Variants in AP3B1 observed in about 807,000 individuals in gnomAD.
The protein encoded by AP3B1 is adaptor related protein complex 3 subunit beta 1.
AP3B1 carries 61 observed loss-of-function variants against 132.5 expected under a neutral mutation model. That is an observed-to-expected ratio of 0.46 (90% CI 0.37 to 0.57). AP3B1 has a LOEUF of 0.57. AP3B1 is among the 20% of genes least tolerant of loss of function. The pLI is 0.00. For missense variants in AP3B1, 1,120 were observed against 1,289.4 expected (o/e 0.87, Z 2.01); for synonymous variants, 388 against 438.3 (o/e 0.89, Z 1.43).
chr5:78,085,765 G>A (rs1252918733), intron 22 of AP3B1, among the ~76,000 whole-genome samples: 2 of 152,052 alleles, frequency 1.3e-5, no homozygotes, highest in African/African-American at 4.8e-5. Flanking sequence ...CATGGTGAAC[G>A]TGACATTTCT....
chr5:78,236,478 T>C (rs1178462099), intron 3 of AP3B1, among the ~76,000 whole-genome samples: 1 of 152,218 alleles, frequency 6.6e-6, no homozygotes, highest in East Asian at 1.9e-4. Flanking sequence ...AAGATGGCGC[T>C]GAATGGGCTA....
chr5:78,186,196 G>C (rs543879472), intron 7 of AP3B1, among the ~76,000 whole-genome samples: 1 of 152,036 alleles, frequency 6.6e-6, no homozygotes, highest in East Asian at 1.9e-4. Context: ...TAAAAAGATG[G>C]AAAAATACAT....
downstream of AP3B1, chr5:78,001,128 T>A (rs1327483793): frequency 6.6e-6 from 1 of 152,234 alleles, no homozygotes; most frequent in African/African-American, 2.4e-5. Context: ...CTTTTAAAGA[T>A]GAGTGTCCTA....
At chr5:78,061,716 TTG>T (rs1749068337) in intron 22 of AP3B1, among the ~76,000 whole-genome samples, 1 of 152,248 alleles carries the variant, frequency 6.6e-6, no homozygotes, top group Non-Finnish European at 1.5e-5. Context: ...TTATCACCCA[TTG>T]ACAAACTCGA....
intron 22 of AP3B1, among the ~76,000 whole-genome samples, chr5:78,078,836 TA>T (rs1185354235): frequency 1.3e-5 from 2 of 152,206 alleles, no homozygotes; most frequent in Non-Finnish European, 2.9e-5. Context: ...AGCTTTTAAG[TA>T]AATGAAATTA....
At chr5:78,064,417 G>A (rs186977852) in intron 22 of AP3B1, among the ~76,000 whole-genome samples, 68 of 152,144 alleles carry the variant, frequency 4.5e-4, no homozygotes, top group Middle Eastern at 3.4e-3. Flanking sequence ...TACTTTCCTT[G>A]TTAATCCTGA....
intron 14 of AP3B1, among the ~76,000 whole-genome samples, chr5:78,151,205 G>A (rs1247864250): frequency 1.3e-5 from 2 of 152,164 alleles, no homozygotes; most frequent in African/African-American, 4.8e-5. Flanking sequence ...TTACAGGCGT[G>A]AGCCACCACA....
intron 21 of AP3B1, among the ~76,000 whole-genome samples, chr5:78,094,154 C>T (rs973474212): frequency 1.3e-5 from 2 of 152,160 alleles, no homozygotes; most frequent in Admixed American, 1.3e-4. Context: ...GATTTGTGAT[C>T]GTCCTACTGA....
chr5:78,236,337 C>T (rs541485680), intron 3 of AP3B1, among the ~76,000 whole-genome samples: 5 of 144,868 alleles, frequency 3.5e-5, no homozygotes, highest in South Asian at 2.2e-4. Flanking sequence ...TCATTTCTAC[C>T]CATAACTAAA....
rs141683025 is a variant in AP3B1 at position 78,047,618 on chromosome 5, A to G, written c.2578-8344T>C. On this transcript the variant is annotated intron_variant, in intron 22 of 26. Coordinates refer to ENST00000255194, the MANE Select transcript of AP3B1 (RefSeq NM_003664.5). ...TGGGTATTAGACCTTTGTCAGATGG[A>G]TTGATTGCAAAATTTTTCTCCCATT... is the stretch of plus-strand genomic sequence containing the variant. 8.8e-3 allele frequency among the ~76,000 whole-genome samples: 1,336 copies of G among 152,106 alleles called. 20 individuals carry two copies. Among genetic ancestry groups the G allele is most frequent in the African/African-American group, 0.031 (1,270 of 41,482 alleles).
chr5:78,102,829 C>T (rs146894855), intron 20 of AP3B1, among the ~76,000 whole-genome samples: 3 of 152,220 alleles, frequency 2.0e-5, no homozygotes, highest in Non-Finnish European at 4.4e-5. Flanking sequence ...CAAGTCTATA[C>T]CTTAATTTCT....
chr5:78,193,770 A>ATATATCTATATATATATATTTTTTTTTTT, intron 7 of AP3B1, among the ~76,000 whole-genome samples: 1 of 67,218 alleles, frequency 1.5e-5, no homozygotes, highest in East Asian at 3.3e-4. Context: ...ATATATATAT[A>ATATATCTATATATATATATTTTTTTTTTT]TTTTTTTTTT....
chr5:78,175,227 C>A (rs2112400602), intron 11 of AP3B1, among the ~76,000 whole-genome samples: 1 of 152,340 alleles, frequency 6.6e-6, no homozygotes, highest in East Asian at 1.9e-4. Flanking sequence ...GGGCTGCACC[C>A]ACTGTCCAAC....
chr5:78,252,878 C>A (rs992658125), intron 2 of AP3B1, among the ~76,000 whole-genome samples: 2 of 152,216 alleles, frequency 1.3e-5, no homozygotes, highest in Non-Finnish European at 2.9e-5. Flanking sequence ...GGGCCTTGAG[C>A]AAACATGGCA....
intron 1 of AP3B1, 108 bp downstream of exon 1, chr5:78,294,343 CA>C: frequency 6.5e-7 from 1 of 1,534,688 alleles, no homozygotes; most frequent in Non-Finnish European, 8.9e-7. Context: ...CTGCCCTGCT[CA>C]GACCTCAGGG....
intron 6 of AP3B1, 35 bp from the exon 7 acceptor site, chr5:78,216,272 T>A (rs1374233632): frequency 1.3e-6 from 2 of 1,593,492 alleles, no homozygotes; most frequent in Non-Finnish European, 1.7e-6. Flanking sequence ...TATTAAAAAA[T>A]GTTTCTCCCC....
Position 78,163,095 on chromosome 5 carries a change from T to C in AP3B1, c.1231-144A>G, listed in dbSNP as rs1046776129. 22 of 774,468 alleles carry C rather than the reference T, an allele frequency of 2.8e-5. No individual in the cohort carries two copies. The Admixed American group carries it at 2.8e-4, about 10-fold the overall frequency. The allele number at this position is 774,468 out of a possible 1,614,324, so 48.0% of individuals were successfully genotyped here. On this transcript the variant is annotated intron_variant, in intron 12 of 26. Transcript: ENST00000255194. ...ACAATATGAGGACCAAGTGATGATGTAGATTAATTTCATTTTGTTTTGATT... is the reference window on the plus strand; with the variant it reads ...ACAATATGAGGACCAAGTGATGATGCAGATTAATTTCATTTTGTTTTGATT...
At chr5:78,135,287 T>C (rs921894730) in intron 15 of AP3B1, among the ~76,000 whole-genome samples, 9 of 152,196 alleles carry the variant, frequency 5.9e-5, no homozygotes, top group African/African-American at 2.2e-4. Flanking sequence ...TATCTACACA[T>C]ATCCATATTT....
intron 22 of AP3B1, among the ~76,000 whole-genome samples, chr5:78,054,666 A>G (rs1748732009): frequency 6.6e-6 from 1 of 152,160 alleles, no homozygotes; most frequent in South Asian, 2.1e-4. Context: ...TATTTCAGAG[A>G]TGGGACTGTG....
Sources: gnomAD v4.1 joint callset for allele counts (sites outside exome capture counted in the v4.1 genomes callset) on GRCh38, gnomAD v4.1.1 for gene constraint, MANE v1.5 for transcripts, NCBI Gene and HGNC (gene_info 2026-07-23, HGNC 2026-07-21) for gene names.